The following MAGI2 variants were observed in gnomAD, a reference collection of about 807,000 sequenced individuals.
The protein encoded by MAGI2 is membrane associated guanylate kinase, WW and PDZ domain containing 2, also known as membrane-associated guanylate kinase, WW and PDZ domain-containing protein 2.
MAGI2 carries 35 observed loss-of-function variants against 133.3 expected under a neutral mutation model. The ratio of observed to expected loss-of-function variants is 0.26; its 90% CI spans 0.20 to 0.35. The LOEUF (loss-of-function observed/expected upper bound fraction) is 0.35, where lower values mean the gene tolerates loss of function less well. MAGI2 is among the 10% of genes least tolerant of loss of function. MAGI2 has a pLI of 1.00. For synonymous variants in MAGI2, 729 were observed against 710.6 expected, an observed-to-expected ratio of 1.03 and a Z score of -0.41; for missense variants, 1,636 against 1,863.4, an observed-to-expected ratio of 0.88 and a Z score of 2.25.
intron 6 of MAGI2, among the ~76,000 whole-genome samples, chr7:78,404,915 C>T (rs1968128): frequency 0.18 from 27,897 of 151,990 alleles, 2,755 homozygotes; most frequent in South Asian, 0.23. Flanking sequence ...TTGCAATCTA[C>T]CCATCTGACA....
At chr7:78,375,699 A>G (rs1794383825) in intron 6 of MAGI2, among the ~76,000 whole-genome samples, 1 of 152,170 alleles carries the variant, frequency 6.6e-6, no homozygotes, top group African/African-American at 2.4e-5. Flanking sequence ...ATAGTGTATT[A>G]TATGGTAATA....
intron 2 of MAGI2, among the ~76,000 whole-genome samples, chr7:78,847,279 C>T (rs1308194536): frequency 2.0e-5 from 3 of 151,892 alleles, no homozygotes; most frequent in Non-Finnish European, 4.4e-5. Context: ...ATGGATTCTA[C>T]TTTTGTAGAC....
intron 3 of MAGI2, among the ~76,000 whole-genome samples, chr7:78,536,395 A>C (rs1487605232): frequency 6.6e-6 from 1 of 151,872 alleles, no homozygotes; most frequent in African/African-American, 2.4e-5. Context: ...TACAGGCGTG[A>C]GCCACCGCGC....
intron 1 of MAGI2, among the ~76,000 whole-genome samples, chr7:79,245,304 G>C (rs185293669): frequency 6.6e-6 from 1 of 152,312 alleles, no homozygotes; most frequent in East Asian, 1.9e-4. Context: ...GACCACAGAG[G>C]GATGGTGCAC....
At chr7:79,217,365 A>C (rs952796741) in intron 1 of MAGI2, among the ~76,000 whole-genome samples, 1 of 151,992 alleles carries the variant, frequency 6.6e-6, no homozygotes, top group Non-Finnish European at 1.5e-5. Context: ...ATTTATTTCC[A>C]TATTTTGTTC....
At chr7:78,721,391 T>C (rs1481928534) in intron 2 of MAGI2, among the ~76,000 whole-genome samples, 1 of 151,992 alleles carries the variant, frequency 6.6e-6, no homozygotes, top group Non-Finnish European at 1.5e-5. Flanking sequence ...AATCCTACTA[T>C]TTGTAGGTTC....
chr7:78,185,805 C>T (rs1211754271), intron 12 of MAGI2, 135 bp from the exon 13 acceptor site: 2 of 565,566 alleles, frequency 3.5e-6, no homozygotes, highest in African/African-American at 1.9e-5. Flanking sequence ...TTTTTTTCCT[C>T]TAAGATCCAA....
chr7:78,305,338 A>G (rs548211446), intron 9 of MAGI2, among the ~76,000 whole-genome samples: 5 of 151,968 alleles, frequency 3.3e-5, no homozygotes, highest in Non-Finnish European at 7.4e-5. Context: ...TATGGAGATA[A>G]CTCTGTACTG....
intron 1 of MAGI2, among the ~76,000 whole-genome samples, chr7:79,279,362 C>T (rs540904804): frequency 2.2e-4 from 33 of 152,204 alleles, no homozygotes; most frequent in African/African-American, 7.9e-4. Context: ...TATCCATCAC[C>T]CAAAATGACA....
intron 16 of MAGI2, among the ~76,000 whole-genome samples, chr7:78,144,581 C>T (rs1823102484): frequency 6.6e-6 from 1 of 152,056 alleles, no homozygotes; most frequent in African/African-American, 2.4e-5. Context: ...CTTTTCCTCA[C>T]ATCATTAATT....
chr7:78,037,233 T>C (rs1283002221), intron 21 of MAGI2, among the ~76,000 whole-genome samples: 1 of 151,474 alleles, frequency 6.6e-6, no homozygotes, highest in Non-Finnish European at 1.5e-5. Context: ...AGGGTGGGGG[T>C]GGAGTGGTGG....
In MAGI2 at chr7:78,705,080, T is replaced by C. The variant is rs895249789; in HGVS notation, c.419-77841A>G. On this transcript the variant is annotated intron_variant, in intron 2 of 21. Transcript: ENST00000354212. ...TGTAAATTGGAGTTTCCTTTCCTTT[T>C]TGGGGGAAGAACTGGTTTACCAGTT... Among the ~76,000 whole-genome samples, 11 of 152,016 alleles carry C rather than the reference T, an allele frequency of 7.2e-5. No individual in the cohort carries two copies. In the East Asian group the frequency reaches 1.2e-3, roughly 16 times the overall value.
At chr7:78,095,268 C>T (rs1817591841) in intron 20 of MAGI2, among the ~76,000 whole-genome samples, 1 of 152,168 alleles carries the variant, frequency 6.6e-6, no homozygotes, top group South Asian at 2.1e-4. Context: ...TTTTGGAAGA[C>T]CTCTCCATAT....
At chr7:78,373,340 C>T (rs372882917) in intron 6 of MAGI2, among the ~76,000 whole-genome samples, 1 of 152,142 alleles carries the variant, frequency 6.6e-6, no homozygotes, top group Non-Finnish European at 1.5e-5. Flanking sequence ...ATTAGTGGAG[C>T]AACTGGCAAA....
At chr7:78,984,493 G>A (rs1209669742) in intron 2 of MAGI2, among the ~76,000 whole-genome samples, 1 of 151,706 alleles carries the variant, frequency 6.6e-6, no homozygotes, top group African/African-American at 2.4e-5. Context: ...CAGCAAATCT[G>A]GCCTCCTGTC....
At chr7:78,478,986 A>G (rs6951193) in intron 6 of MAGI2, among the ~76,000 whole-genome samples, 46,075 of 151,764 alleles carry the variant, frequency 0.3, 7,279 homozygotes, top group East Asian at 0.52. Context: ...CCTTTAACCT[A>G]TAAGTGGTGG....
chr7:78,992,418 C>T (rs768242783), intron 2 of MAGI2, among the ~76,000 whole-genome samples: 4 of 151,944 alleles, frequency 2.6e-5, no homozygotes, highest in Non-Finnish European at 5.9e-5. Context: ...AAAGTTTATA[C>T]ATTTTTAATC....
At chr7:78,706,186 T>C (rs1056967634) in intron 2 of MAGI2, among the ~76,000 whole-genome samples, 1 of 152,134 alleles carries the variant, frequency 6.6e-6, no homozygotes, top group African/African-American at 2.4e-5. Context: ...TCTCCCAGAA[T>C]TCCCATGTGT....
At chr7:78,245,753 C>A (rs1791704289) in intron 10 of MAGI2, among the ~76,000 whole-genome samples, 2 of 152,182 alleles carry the variant, frequency 1.3e-5, no homozygotes, top group African/African-American at 4.8e-5. Context: ...CTGGGGACTC[C>A]TGCAGTCCTC....
Sources: gnomAD v4.1 joint callset for allele counts (sites outside exome capture counted in the v4.1 genomes callset) on GRCh38, gnomAD v4.1.1 for gene constraint, MANE v1.5 for transcripts, NCBI Gene and HGNC (gene_info 2026-07-23, HGNC 2026-07-21) for gene names.